Variants in GNAI2 observed in about 807,000 individuals in gnomAD.
The protein encoded by GNAI2 is G protein subunit alpha i2, also known as guanine nucleotide-binding protein G(i) subunit alpha-2.
In GNAI2, 4 loss-of-function variants were observed where a neutral mutation model predicts 36.8. The observed-to-expected ratio is 0.11, with a 90% CI of 0.05 to 0.25. The LOEUF is 0.25. Among genes scored for constraint, GNAI2 ranks in the 10% least tolerant of loss-of-function variants. GNAI2 has a pLI of 1.00. For missense variants in GNAI2, 230 were observed against 481.3 expected (o/e 0.48, Z 4.89); for synonymous variants, 194 against 194.1 (o/e 1.00, Z 0.01).
At chr3:50,247,544 C>G (rs1700452338) in intron 1 of GNAI2, among the ~76,000 whole-genome samples, 1 of 152,260 alleles carries the variant, frequency 6.6e-6, no homozygotes, top group African/African-American at 2.4e-5. Context: ...GGGCCTGTCT[C>G]TCCTGCTGCA....
chr3:50,228,703 C>T (rs1700019523), upstream of GNAI2, among the ~76,000 whole-genome samples: 1 of 152,260 alleles, frequency 6.6e-6, no homozygotes, highest in Non-Finnish European at 1.5e-5. Context: ...TACTAGCCCA[C>T]AGCCTGTCCT....
At chr3:50,248,298 A>AGG (rs1700468700) in intron 1 of GNAI2, among the ~76,000 whole-genome samples, 1 of 151,954 alleles carries the variant, frequency 6.6e-6, no homozygotes, top group Admixed American at 6.5e-5. Flanking sequence ...GGCAGGTGCG[A>AGG]GGGGAGCTGG....
At chr3:50,232,752 A>T (rs587627590), upstream of GNAI2, among the ~76,000 whole-genome samples, 9 of 152,186 alleles carry the variant, frequency 5.9e-5, 1 homozygote, top group South Asian at 1.9e-3. Flanking sequence ...GAAACAGGAG[A>T]GCCAAGGAAG....
At chr3:50,240,413 T>C (rs1043322546) in intron 1 of GNAI2, among the ~76,000 whole-genome samples, 12 of 151,948 alleles carry the variant, frequency 7.9e-5, no homozygotes, top group Admixed American at 2.0e-4. Context: ...CCTGGCCTGG[T>C]GGGGAAAGGG....
At chr3:50,247,963 G>T (rs1434918513) in intron 1 of GNAI2, among the ~76,000 whole-genome samples, 1 of 152,230 alleles carries the variant, frequency 6.6e-6, no homozygotes, top group Admixed American at 6.5e-5. Flanking sequence ...GGCTGGACGC[G>T]GTGGCTCACG....
At chr3:50,245,973 C>G (rs1156673908) in intron 1 of GNAI2, among the ~76,000 whole-genome samples, 2 of 152,184 alleles carry the variant, frequency 1.3e-5, no homozygotes, top group Non-Finnish European at 2.9e-5. Flanking sequence ...TTGGTCTGTT[C>G]AGGCATCCGT....
In GNAI2 at chr3:50,236,238, C is replaced by T. The variant is rs1700163414; in HGVS notation, c.-98C>T. On this transcript the variant is annotated 5_prime_UTR_variant, in exon 1 of 9. Transcript: ENST00000313601. This position sits in a 1 kb window ranked among gnomAD's most constrained non-coding sequence, Gnocchi z 4.0. Reference sequence around the variant, plus strand: ...GAACTGCCGACCCGAGTGCTTCCCGCAGAGGGCTGGTGGTGGGAGCGGAGT... The same window carrying T: ...GAACTGCCGACCCGAGTGCTTCCCGTAGAGGGCTGGTGGTGGGAGCGGAGT... 1.4e-5 allele frequency: 17 copies of T among 1,195,874 alleles called. No individual in the cohort carries two copies. Among genetic ancestry groups the T allele is most frequent in the Non-Finnish European group, 1.8e-5 (17 of 964,386 alleles). The allele number at this position is 1,195,874 out of a possible 1,614,324, so 74.1% of individuals were successfully genotyped here. A position where few individuals can be genotyped will look rare whatever the true frequency, so the allele number is the denominator to read the frequency against.
In GNAI2 at chr3:50,256,963, A is replaced by G. The variant is rs782745103; in HGVS notation, c.750A>G (p.Leu250=). The change falls in exon 7 of 9, where the codon CTA becomes CTG. Residue 250 remains leucine, a synonymous_variant. Coordinates refer to ENST00000313601, the MANE Select transcript of GNAI2 (RefSeq NM_002070.4). ...EMNRMHESMK[L]FDSICNNKWF... ...ACCGCATGCATGAGAGCATGAAGCT[A>G]TTCGATAGCATCTGCAACAACAAGT... The G allele has an allele frequency of 1.2e-6, 2 of 1,614,152 alleles. No individual in the cohort carries two copies. The highest frequency in any genetic ancestry group is 1.7e-5 in the Admixed American group (1 of 60,026).
At position 50,255,918 on chromosome 3, in the gene GNAI2, C is replaced by T. The variant is rs1044023014; in HGVS notation, c.465-274C>T. Among the ~76,000 whole-genome samples the T allele has an allele frequency of 1.3e-5, 2 of 151,592 alleles. No homozygotes were observed. The highest frequency in any genetic ancestry group is 6.6e-5 in the Admixed American group (1 of 15,218). ...ATACAAAAATTAGCTGGGCGGCAGG[C>T]GCCTGTAGTCCCAGCTACTCAGGAG... is the stretch of plus-strand genomic sequence containing the variant. On this transcript the variant is annotated intron_variant, in intron 4 of 8. Coordinates refer to ENST00000313601, the MANE Select transcript of GNAI2 (RefSeq NM_002070.4). This position sits in a 1 kb window ranked among gnomAD's most constrained non-coding sequence, Gnocchi z 4.0.
In GNAI2 at chr3:50,256,192, CTA is replaced by C; in HGVS notation, c.466_467del (p.Tyr156ProfsTer11). On this transcript the variant is annotated frameshift_variant and splice_region_variant, in exon 5 of 9. Coordinates refer to ENST00000313601, the MANE Select transcript of GNAI2 (RefSeq NM_002070.4). LOFTEE classifies it high-confidence loss of function. ...EYQLNDSAAY[Y>X]LNDLERIAQS... ...TGACCCTCCCACCCCCCATCCCCAGCTACCTGAACGACCTGGAGCGTATTGCA... is the reference window on the plus strand; with the variant it reads ...TGACCCTCCCACCCCCCATCCCCAGCCCTGAACGACCTGGAGCGTATTGCA... The C allele has an allele frequency of 6.4e-7, 1 of 1,571,474 alleles. No homozygotes were observed. Among genetic ancestry groups the C allele is most frequent in the Non-Finnish European group, 8.7e-7 (1 of 1,145,570 alleles).
At position 50,253,218 on chromosome 3, in the gene GNAI2, AG is replaced by A; in HGVS notation, c.464+38del. 6.5e-7 allele frequency: 1 copy of A among 1,542,980 alleles called. No individual in the cohort carries two copies. Among genetic ancestry groups the A allele is most frequent in the Non-Finnish European group, 8.9e-7 (1 of 1,125,374 alleles). ...TCTGAGGGGCTGGGCAGGGCAGGGC[AG>A]GGGCTGGGGGAGGACTAAAGGCTGG... On this transcript the variant is annotated intron_variant, in intron 4 of 8. Transcript: ENST00000313601. This position sits in a 1 kb window ranked among gnomAD's most constrained non-coding sequence, Gnocchi z 4.2.
At position 50,242,603 on chromosome 3, in the gene GNAI2, A is replaced by G. The variant is rs1332701274; in HGVS notation, c.118+6150A>G. On this transcript the variant is annotated intron_variant, in intron 1 of 8. Coordinates refer to ENST00000313601, the MANE Select transcript of GNAI2 (RefSeq NM_002070.4). The surrounding 1 kb of genome is among the most constrained non-coding windows in gnomAD (Gnocchi z 4.8). The stretch of plus-strand genomic sequence containing the variant: ...AGCTTGAAGCTCTCGTTCTTACTAA[A>G]CCCCAACCCCACCCTCACCCTGATG... Among the ~76,000 whole-genome samples the G allele has an allele frequency of 1.3e-5, 2 of 149,804 alleles. No homozygotes were observed. Among genetic ancestry groups the G allele is most frequent in the Non-Finnish European group, 3.0e-5 (2 of 67,438 alleles).
chr3:50,246,210 C>A (rs1342786386), intron 1 of GNAI2, among the ~76,000 whole-genome samples: 1 of 152,190 alleles, frequency 6.6e-6, no homozygotes, highest in Non-Finnish European at 1.5e-5. Flanking sequence ...CTGTGTGTGC[C>A]GAGTCTCTGC....
chr3:50,246,119 G>T (rs1365781302), intron 1 of GNAI2, among the ~76,000 whole-genome samples: 1 of 152,260 alleles, frequency 6.6e-6, no homozygotes, highest in Non-Finnish European at 1.5e-5. Context: ...GCACCTGGAG[G>T]AAGGAAGAGA....
intron 1 of GNAI2, among the ~76,000 whole-genome samples, chr3:50,247,694 C>G (rs782101023): frequency 3.3e-5 from 5 of 152,278 alleles, no homozygotes; most frequent in Non-Finnish European, 7.3e-5. Context: ...CAGCACATCA[C>G]TATGATTACT....
chr3:50,232,621 G>A (rs1178321842), upstream of GNAI2, among the ~76,000 whole-genome samples: 1 of 152,226 alleles, frequency 6.6e-6, no homozygotes, highest in Non-Finnish European at 1.5e-5. Context: ...AAACCAGTGT[G>A]TGTGGGGGCT....
chr3:50,229,115 G>T (rs1324019478), upstream of GNAI2: 1 of 152,176 alleles, frequency 6.6e-6, no homozygotes, highest in East Asian at 1.9e-4. Context: ...AACGAGTCAC[G>T]GGAGAGGCTA....
In GNAI2 at chr3:50,255,953, G is replaced by T. The variant is rs782589310; in HGVS notation, c.465-239G>T. Among the ~76,000 whole-genome samples the T allele has an allele frequency of 6.7e-5, 10 of 150,102 alleles. No individual in the cohort carries two copies. Among genetic ancestry groups the T allele is most frequent in the Non-Finnish European group, 1.0e-4 (7 of 67,738 alleles). On this transcript the variant is annotated intron_variant, in intron 4 of 8. Coordinates refer to ENST00000313601, the MANE Select transcript of GNAI2 (RefSeq NM_002070.4). The surrounding 1 kb of genome is among the most constrained non-coding windows in gnomAD (Gnocchi z 4.0). ...CCCAGCTACTCAGGAGGCTGAGGCAGGAGAATCGCTTGAACCTGGCAGGCA... is the reference window on the plus strand; with the variant it reads ...CCCAGCTACTCAGGAGGCTGAGGCATGAGAATCGCTTGAACCTGGCAGGCA...
chr3:50,246,652 A>G (rs1223365788), intron 1 of GNAI2, among the ~76,000 whole-genome samples: 3 of 152,180 alleles, frequency 2.0e-5, no homozygotes, highest in African/African-American at 7.2e-5. Context: ...GCTGCTTCTG[A>G]GAATCTCTGC....
Sources: gnomAD v4.1 joint callset for allele counts (sites outside exome capture counted in the v4.1 genomes callset) on GRCh38, gnomAD v4.1.1 for gene constraint, Gnocchi (gnomAD v3.1) non-coding constraint, MANE v1.5 for transcripts, NCBI Gene and HGNC (gene_info 2026-07-23, HGNC 2026-07-21) for gene names.